PRDM16: variants seen among roughly 807,000 people sequenced by gnomAD.
The protein encoded by PRDM16 is histone-lysine N-methyltransferase PRDM16.
Under a neutral mutation model 110.6 loss-of-function variants are expected in PRDM16, and 23 were observed. That is an observed-to-expected ratio of 0.21 (90% CI 0.15 to 0.29). The LOEUF is 0.29. PRDM16 is among the 10% of genes least tolerant of loss of function. The pLI, the probability that PRDM16 is intolerant of heterozygous loss-of-function variation, is 1.00. For synonymous variants in PRDM16, 799 were observed against 781.8 expected, an observed-to-expected ratio of 1.02 and a Z score of -0.37; for missense variants, 1,615 against 1,794.3, an observed-to-expected ratio of 0.90 and a Z score of 1.81.
At chr1:3,134,638 G>A (rs1643400453) in intron 1 of PRDM16, among the ~76,000 whole-genome samples, 1 of 152,274 alleles carries the variant, frequency 6.6e-6, no homozygotes, top group African/African-American at 2.4e-5. Flanking sequence ...GTTAACCGTG[G>A]CGGCTTGAAG....
At chr1:3,150,822 TGGGA>T (rs2100722771) in intron 1 of PRDM16, among the ~76,000 whole-genome samples, 1 of 115,956 alleles carries the variant, frequency 8.6e-6, no homozygotes, top group East Asian at 2.7e-4. Context: ...CCCATGGGAG[TGGGA>T]GGGAAAGCAC....
chr1:3,088,234 A>G (rs1642194120), intron 1 of PRDM16, among the ~76,000 whole-genome samples: 1 of 152,126 alleles, frequency 6.6e-6, no homozygotes, highest in African/African-American at 2.4e-5. Context: ...TTGCAGTTGC[A>G]TTCAATCAGG....
chr1:3,071,885 T>G (rs1291696259), intron 1 of PRDM16, among the ~76,000 whole-genome samples: 1 of 152,242 alleles, frequency 6.6e-6, no homozygotes, highest in African/African-American at 2.4e-5. Flanking sequence ...ATTTCGTTTG[T>G]GTTTCCCTGG....
intron 1 of PRDM16, among the ~76,000 whole-genome samples, chr1:3,159,805 G>A (rs765902092): frequency 1.5e-4 from 23 of 152,180 alleles, no homozygotes; most frequent in Non-Finnish European, 2.9e-4. Context: ...GAGGGACCAC[G>A]AGAGGCACTT....
intron 3 of PRDM16, among the ~76,000 whole-genome samples, chr1:3,378,771 A>G (rs1227167774): frequency 6.6e-6 from 1 of 151,980 alleles, no homozygotes; most frequent in Non-Finnish European, 1.5e-5. Context: ...CAGGCCCAAG[A>G]AGCCAGGCCT....
intron 3 of PRDM16, among the ~76,000 whole-genome samples, chr1:3,336,606 G>A (rs556852115): frequency 6.6e-6 from 1 of 151,718 alleles, no homozygotes; most frequent in Admixed American, 6.6e-5. Context: ...ATCTGTGTTG[G>A]TGTGAGTCTG....
intron 2 of PRDM16, among the ~76,000 whole-genome samples, chr1:3,188,056 C>T (rs1644292230): frequency 6.6e-6 from 1 of 152,168 alleles, no homozygotes; most frequent in Non-Finnish European, 1.5e-5. Context: ...AGTTTGGAGT[C>T]GAAGACCTCA....
chr1:3,396,060 A>G (rs1643381569), intron 4 of PRDM16, among the ~76,000 whole-genome samples: 1 of 152,128 alleles, frequency 6.6e-6, no homozygotes, highest in Non-Finnish European at 1.5e-5. Context: ...CACTTTCAGA[A>G]ACAACCAGAT....
At position 3,437,889 on chromosome 1, in the gene PRDM16, C is replaced by G. The variant is rs1186082944; in HGVS notation, c.*4078C>G. 9.1e-6 allele frequency: 2 copies of G among 220,006 alleles called. No homozygotes were observed. The highest frequency in any genetic ancestry group is 1.8e-5 in the Non-Finnish European group (2 of 109,754). 13.6% of individuals were successfully genotyped at this position (220,006 alleles called of 1,614,324 possible). On this transcript the variant is annotated 3_prime_UTR_variant, in exon 17 of 17. Coordinates refer to ENST00000270722, the MANE Select transcript of PRDM16 (RefSeq NM_022114.4). ...GCTTTCGGCACGAGGGATGCTGAGC[C>G]CTGGTGTCAGAGTCGTAATTTAAAG... is the stretch of plus-strand genomic sequence containing the variant.
intron 3 of PRDM16, among the ~76,000 whole-genome samples, chr1:3,281,463 C>T (rs1440433831): frequency 2.6e-5 from 4 of 152,256 alleles, no homozygotes; most frequent in Non-Finnish European, 5.9e-5. Flanking sequence ...GAGAAGCAGC[C>T]TTGAAACTTA....
chr1:3,293,804 G>T (rs1309029758), intron 3 of PRDM16, among the ~76,000 whole-genome samples: 2 of 152,204 alleles, frequency 1.3e-5, no homozygotes, highest in African/African-American at 4.8e-5. Context: ...TCCATCCTTT[G>T]TCGGCTTCTC....
chr1:3,180,859 C>T lies in PRDM16; in HGVS notation c.38-5266C>T, dbSNP rs1047620040. Among the ~76,000 whole-genome samples the T allele has an allele frequency of 5.4e-5, 8 of 148,870 alleles. No homozygotes were observed. The South Asian group carries it at 8.3e-4, about 16-fold the overall frequency. ...CCCTCTGCTTACACACGCAGTCTTA[C>T]GCACGGCCTTACACACGCAGTCTTA... is the stretch of plus-strand genomic sequence containing the variant. On this transcript the variant is annotated intron_variant, in intron 1 of 16. Transcript: ENST00000270722.
At chr1:3,247,578 G>C (rs1485528850) in intron 3 of PRDM16, among the ~76,000 whole-genome samples, 7 of 152,220 alleles carry the variant, frequency 4.6e-5, no homozygotes, top group Admixed American at 1.3e-4. Context: ...CGTCCTTCCT[G>C]CGCCCCTTCA....
intron 9 of PRDM16, among the ~76,000 whole-genome samples, chr1:3,414,273 G>T (rs1643742818): frequency 6.6e-6 from 1 of 152,182 alleles, no homozygotes; most frequent in African/African-American, 2.4e-5. Context: ...GGCCCTCGAG[G>T]GGACCTTGGA....
At chr1:3,111,616 C>T (rs916127253) in intron 1 of PRDM16, among the ~76,000 whole-genome samples, 1 of 152,004 alleles carries the variant, frequency 6.6e-6, no homozygotes, top group African/African-American at 2.4e-5. Context: ...GGGAGCCCAG[C>T]GCACGGAAAG....
At chr1:3,109,942 G>A (rs774465281) in intron 1 of PRDM16, among the ~76,000 whole-genome samples, 36 of 150,750 alleles carry the variant, frequency 2.4e-4, no homozygotes, top group Admixed American at 1.7e-3. Context: ...CACAGTGCTC[G>A]GGGGCTCCCC....
intron 1 of PRDM16, among the ~76,000 whole-genome samples, chr1:3,115,585 C>T (rs537586392): frequency 9.8e-5 from 15 of 152,366 alleles, no homozygotes; most frequent in Non-Finnish European, 1.9e-4. Flanking sequence ...GCCCCGGCGC[C>T]GGCCTCCGCC....
intron 5 of PRDM16, among the ~76,000 whole-genome samples, chr1:3,401,119 G>A (rs1360123589): frequency 6.6e-6 from 1 of 152,190 alleles, no homozygotes; most frequent in Admixed American, 6.5e-5. Flanking sequence ...AGGCCAAATA[G>A]CAGCATCTCT....
At position 3,080,705 on chromosome 1, in the gene PRDM16, C is replaced by T. The variant is rs1182712750; in HGVS notation, c.37+11409C>T. 2.0e-5 allele frequency among the ~76,000 whole-genome samples: 3 copies of T among 152,178 alleles called. No homozygotes were observed. The highest frequency in any genetic ancestry group is 7.2e-5 in the African/African-American group (3 of 41,452). ...CTTGAGCAAAGCCAGCTTGCTCTCC[C>T]CCTCGGACCGGGCAACTGCTCCTGG... On this transcript the variant is annotated intron_variant, in intron 1 of 16. Coordinates refer to ENST00000270722, the MANE Select transcript of PRDM16 (RefSeq NM_022114.4). This position sits in a 1 kb window ranked among gnomAD's most constrained non-coding sequence, Gnocchi z 5.2.
Sources: gnomAD v4.1 joint callset for allele counts (sites outside exome capture counted in the v4.1 genomes callset) on GRCh38, gnomAD v4.1.1 for gene constraint, Gnocchi (gnomAD v3.1) non-coding constraint, MANE v1.5 for transcripts, NCBI Gene and HGNC (gene_info 2026-07-23, HGNC 2026-07-21) for gene names.